SNX16: variants seen among roughly 807,000 people sequenced by gnomAD.
The protein encoded by SNX16 is sorting nexin-16.
Under a neutral mutation model 36.7 loss-of-function variants are expected in SNX16, and 35 were observed. The observed-to-expected ratio is 0.95, with a 90% CI of 0.73 to 1.27. SNX16 has a LOEUF of 1.27. SNX16 is among the 50% of genes most tolerant of loss of function. The pLI, the probability that SNX16 is intolerant of heterozygous loss-of-function variation, is 0.00. For synonymous variants in SNX16, 134 were observed against 132.0 expected, an observed-to-expected ratio of 1.02 and a Z score of -0.10; for missense variants, 367 against 393.6, an observed-to-expected ratio of 0.93 and a Z score of 0.57.
intron 4 of SNX16, among the ~76,000 whole-genome samples, chr8:81,822,627 G>C (rs554841953): frequency 6.6e-6 from 1 of 152,122 alleles, no homozygotes; most frequent in South Asian, 2.1e-4. Context: ...AGTGGTACTT[G>C]CAAGGGAAAT....
chr8:81,805,650 T>C (rs1809898333), intron 5 of SNX16, among the ~76,000 whole-genome samples: 1 of 152,234 alleles, frequency 6.6e-6, no homozygotes, highest in African/African-American at 2.4e-5. Flanking sequence ...AGTTTTGCGG[T>C]GGCTCACGCC....
chr8:81,809,048 C>T (rs1018864430), intron 5 of SNX16, among the ~76,000 whole-genome samples: 1 of 151,318 alleles, frequency 6.6e-6, no homozygotes, highest in African/African-American at 2.4e-5. Context: ...GATTGTGATA[C>T]TGAATAAATG....
chr8:81,824,052 G>T lies in SNX16; in HGVS notation c.463-112C>A, dbSNP rs1316904551. 4 of 1,045,064 alleles carry T rather than the reference G, an allele frequency of 3.8e-6. No individual in the cohort carries two copies. The African/African-American group carries it at 6.6e-5, about 17-fold the overall frequency. The allele number at this position is 1,045,064 out of a possible 1,614,324, so 64.7% of individuals were successfully genotyped here. Reference sequence around the variant, plus strand: ...TTCATGAAATAAGTTTAAAATAAAAGAATTAAATTCAGTTAAGCTTTTTAT... The same window carrying T: ...TTCATGAAATAAGTTTAAAATAAAATAATTAAATTCAGTTAAGCTTTTTAT... On this transcript the variant is annotated intron_variant, in intron 3 of 7. Transcript: ENST00000345957.
chr8:81,813,313 C>G (rs1030650465), intron 5 of SNX16, among the ~76,000 whole-genome samples: 7 of 151,578 alleles, frequency 4.6e-5, no homozygotes, highest in Non-Finnish European at 7.4e-5. Flanking sequence ...AGAAACAAAC[C>G]CTTCTTTTCA....
intron 2 of SNX16, among the ~76,000 whole-genome samples, chr8:81,832,382 A>C (rs922781394): frequency 2.0e-5 from 3 of 152,146 alleles, no homozygotes; most frequent in African/African-American, 4.8e-5. Context: ...ATGGACATAA[A>C]GATAGCAACA....
At chr8:81,815,176 T>C (rs1810424772) in intron 5 of SNX16, 149 bp downstream of exon 5, 4 of 501,242 alleles carry the variant, frequency 8.0e-6, no homozygotes, top group Non-Finnish European at 1.3e-5. Flanking sequence ...AAAGCAACCT[T>C]TGACTCAAAC....
At chr8:81,815,054 A>AT (rs1274062395) in intron 5 of SNX16, 13 of 182,208 alleles carry the variant, frequency 7.1e-5, no homozygotes, top group Non-Finnish European at 1.1e-4. Flanking sequence ...CCCCCAAATC[A>AT]TTTTTTTTGA....
At chr8:81,807,903 G>T in intron 5 of SNX16, 1 of 767,030 alleles carries the variant, frequency 1.3e-6, no homozygotes, top group Non-Finnish European at 2.4e-6. Flanking sequence ...CGAACTGTGC[G>T]GTAATGAGAA....
At chr8:81,811,173 C>T (rs189575812) in intron 5 of SNX16, among the ~76,000 whole-genome samples, 2 of 152,224 alleles carry the variant, frequency 1.3e-5, no homozygotes, top group East Asian at 3.9e-4. Flanking sequence ...ACTTAATTTT[C>T]TAAACAGATT....
At chr8:81,810,660 G>A (rs916119121) in intron 5 of SNX16, among the ~76,000 whole-genome samples, 4 of 152,080 alleles carry the variant, frequency 2.6e-5, no homozygotes, top group African/African-American at 7.2e-5. Context: ...TATTGCCTTG[G>A]TGACTTATTT....
chr8:81,825,357 G>A (rs1810963298), intron 3 of SNX16, among the ~76,000 whole-genome samples: 1 of 152,162 alleles, frequency 6.6e-6, no homozygotes, highest in African/African-American at 2.4e-5. Context: ...AATTTAGGCT[G>A]TCTTAGTAGA....
chr8:81,824,039 G>T, intron 3 of SNX16, 99 bp from the exon 4 acceptor site: 1 of 1,125,016 alleles, frequency 8.9e-7, no homozygotes, highest in Non-Finnish European at 1.2e-6. Flanking sequence ...CATGAAATAA[G>T]TTTAAAATAA....
At chr8:81,833,446 A>C (rs1811356067) in intron 2 of SNX16, among the ~76,000 whole-genome samples, 2 of 152,176 alleles carry the variant, frequency 1.3e-5, no homozygotes, top group African/African-American at 4.8e-5. Flanking sequence ...GGTGGGAAAC[A>C]AGGTTACTCG....
At chr8:81,838,219 C>A (rs1200127417) in intron 2 of SNX16, among the ~76,000 whole-genome samples, 1 of 151,988 alleles carries the variant, frequency 6.6e-6, no homozygotes, top group Non-Finnish European at 1.5e-5. Context: ...CAAAACATTA[C>A]TAGAAAAAAA....
intron 3 of SNX16, among the ~76,000 whole-genome samples, chr8:81,824,289 T>C (rs1810916652): frequency 1.3e-5 from 2 of 152,188 alleles, no homozygotes; most frequent in African/African-American, 4.8e-5. Flanking sequence ...TTTGAGTATC[T>C]TCAATGGTGA....
intron 4 of SNX16, among the ~76,000 whole-genome samples, chr8:81,821,239 A>C (rs914032327): frequency 6.6e-6 from 1 of 151,812 alleles, no homozygotes; most frequent in Non-Finnish European, 1.5e-5. Flanking sequence ...TTATGAATTG[A>C]GCAAGACCAT....
intron 5 of SNX16, among the ~76,000 whole-genome samples, chr8:81,811,328 C>A (rs778953364): frequency 2.0e-5 from 3 of 152,090 alleles, no homozygotes; most frequent in Non-Finnish European, 4.4e-5. Flanking sequence ...ACCCAAGCCA[C>A]ACAGGACAAC....
At chr8:81,831,449 T>C (rs769517828) in intron 2 of SNX16, among the ~76,000 whole-genome samples, 12 of 152,158 alleles carry the variant, frequency 7.9e-5, no homozygotes, top group Non-Finnish European at 1.5e-4. Flanking sequence ...TCTCAGCTCT[T>C]TGGGAGGCTG....
chr8:81,823,990 A>G (rs751576742), intron 3 of SNX16, 50 bp from the exon 4 acceptor site: 1 of 1,508,296 alleles, frequency 6.6e-7, no homozygotes, highest in South Asian at 1.2e-5. Flanking sequence ...AGCACTATCA[A>G]TTCTACAAAA....
Sources: allele counts gnomAD v4.1 joint callset (sites outside exome capture counted in the v4.1 genomes callset), GRCh38; gene constraint gnomAD v4.1.1; transcripts MANE v1.5; gene names NCBI Gene and HGNC (gene_info 2026-07-23, HGNC 2026-07-21).